The following CDH4 variants were observed in gnomAD, a reference collection of about 807,000 sequenced individuals.
CDH4 encodes the protein cadherin-4.
CDH4 carries 33 observed loss-of-function variants against 86.0 expected under a neutral mutation model. The ratio of observed to expected loss-of-function variants is 0.38; its 90% CI spans 0.29 to 0.51. CDH4 has a LOEUF of 0.51. Ranked by LOEUF, CDH4 falls within the 20% of genes least tolerant of loss-of-function variation. The pLI is 0.86. For missense variants in CDH4, 1,114 were observed against 1,307.4 expected (o/e 0.85, Z 2.28); for synonymous variants, 555 against 549.4 (o/e 1.01, Z -0.14).
intron 4 of CDH4, among the ~76,000 whole-genome samples, chr20:61,782,331 G>T (rs984462224): frequency 6.6e-6 from 1 of 151,836 alleles, no homozygotes; most frequent in African/African-American, 2.4e-5. Flanking sequence ...TAAAAATGAA[G>T]GTGAAATAAA....
intron 2 of CDH4, among the ~76,000 whole-genome samples, chr20:61,617,601 C>T (rs530315808): frequency 1.1e-4 from 17 of 152,302 alleles, no homozygotes; most frequent in Admixed American, 6.5e-4. Flanking sequence ...AATCTGGGGG[C>T]GACAGCGTGG....
intron 2 of CDH4, among the ~76,000 whole-genome samples, chr20:61,689,273 G>T (rs1600876812): frequency 9.7e-5 from 4 of 41,192 alleles, no homozygotes; most frequent in African/African-American, 2.0e-4. Context: ...TGGGACAGTG[G>T]TTGGTGAGGT....
intron 2 of CDH4, among the ~76,000 whole-genome samples, chr20:61,633,230 CATCCATCCATCT>C (rs149718590): frequency 0.018 from 2,784 of 151,292 alleles, 74 homozygotes; most frequent in African/African-American, 0.063. Context: ...TTCATTCATT[CATCCATCCATCT>C]ATCCATCTAT....
intron 2 of CDH4, among the ~76,000 whole-genome samples, chr20:61,574,576 T>A (rs1477075475): frequency 6.6e-6 from 1 of 151,578 alleles, no homozygotes; most frequent in East Asian, 1.9e-4. Flanking sequence ...AGAAAAAAAA[T>A]GGTCTCAGTG....
chr20:61,294,658 C>T (rs529501334), intron 2 of CDH4, among the ~76,000 whole-genome samples: 8 of 152,298 alleles, frequency 5.3e-5, no homozygotes, highest in East Asian at 1.9e-4. Context: ...TGTCGCTACA[C>T]GCAGGGCCCC....
At chr20:61,908,569 C>A (rs780225483) in intron 8 of CDH4, among the ~76,000 whole-genome samples, 5 of 152,232 alleles carry the variant, frequency 3.3e-5, no homozygotes, top group South Asian at 2.1e-4. Flanking sequence ...CTTGCAGGAC[C>A]TGCCTGTGGC....
intron 2 of CDH4, among the ~76,000 whole-genome samples, chr20:61,300,114 C>A (rs4812293): frequency 0.55 from 83,752 of 151,860 alleles, 24,350 homozygotes; most frequent in Admixed American, 0.65. Flanking sequence ...AGACGTCCAG[C>A]CTGCTTGGAG....
chr20:61,874,613 T>C (rs1983941798), intron 7 of CDH4, among the ~76,000 whole-genome samples: 1 of 152,124 alleles, frequency 6.6e-6, no homozygotes, highest in Admixed American at 6.5e-5. Flanking sequence ...TCTCCAGCAC[T>C]GGGCTGTGCG....
At chr20:61,570,658 G>A in intron 2 of CDH4, 1 of 702,350 alleles carries the variant, frequency 1.4e-6, no homozygotes, top group Non-Finnish European at 2.6e-6. Flanking sequence ...AATGGTATTG[G>A]GCTGTGGATC....
chr20:61,329,148 C>T (rs904628954), intron 2 of CDH4, among the ~76,000 whole-genome samples: 1 of 152,320 alleles, frequency 6.6e-6, no homozygotes, highest in African/African-American at 2.4e-5. Context: ...TTGTACTGAA[C>T]GTGTATCATT....
intron 2 of CDH4, among the ~76,000 whole-genome samples, chr20:61,626,563 G>A (rs2145781675): frequency 6.6e-6 from 1 of 152,352 alleles, no homozygotes; most frequent in East Asian, 1.9e-4. Context: ...CAGGGCAGAA[G>A]CTCCTCTGTG....
At chr20:61,742,643 T>A (rs748874703) in intron 2 of CDH4, among the ~76,000 whole-genome samples, 1 of 152,200 alleles carries the variant, frequency 6.6e-6, no homozygotes, top group Admixed American at 6.5e-5. Flanking sequence ...ATGAGCAGAA[T>A]GTGACACGGG....
intron 4 of CDH4, among the ~76,000 whole-genome samples, chr20:61,798,313 C>T (rs1458542932): frequency 6.6e-6 from 1 of 152,148 alleles, no homozygotes; most frequent in Non-Finnish European, 1.5e-5. Flanking sequence ...TGTGGGCGGC[C>T]CCTCGCTGCG....
At position 61,417,314 on chromosome 20, in the gene CDH4, CCTCT is replaced by C. The variant is rs1338859035; in HGVS notation, c.169+162378_169+162381del. ...GTCTTTCTCCATCTCCCTCTCCCTC[CCTCT>C]ACCTCTCTTCTCTCTCCCCTCACCC... On this transcript the variant is annotated intron_variant, in intron 2 of 15. Transcript: ENST00000614565. This position sits in a 1 kb window ranked among gnomAD's most constrained non-coding sequence, Gnocchi z 4.0. Among the ~76,000 whole-genome samples the C allele has an allele frequency of 6.6e-6, 1 of 151,954 alleles. No individual in the cohort carries two copies. The highest frequency in any genetic ancestry group is 1.5e-5 in the Non-Finnish European group (1 of 67,992).
At chr20:61,396,059 A>C (rs1034504941) in intron 2 of CDH4, among the ~76,000 whole-genome samples, 1 of 152,226 alleles carries the variant, frequency 6.6e-6, no homozygotes, top group Non-Finnish European at 1.5e-5. Flanking sequence ...TAAATAATAC[A>C]TAAGTTTTAT....
chr20:61,502,540 G>T (rs2085711281), intron 2 of CDH4, among the ~76,000 whole-genome samples: 1 of 152,214 alleles, frequency 6.6e-6, no homozygotes, highest in African/African-American at 2.4e-5. Context: ...ATGCAACATT[G>T]TCTGTGGTTG....
At chr20:61,515,989 G>A (rs929124188) in intron 2 of CDH4, among the ~76,000 whole-genome samples, 1 of 152,032 alleles carries the variant, frequency 6.6e-6, no homozygotes, top group Non-Finnish European at 1.5e-5. Flanking sequence ...CTGCTCCAGG[G>A]TAGAATGCAG....
At chr20:61,421,327 G>A (rs1051956391) in intron 2 of CDH4, among the ~76,000 whole-genome samples, 4 of 152,198 alleles carry the variant, frequency 2.6e-5, no homozygotes, top group Non-Finnish European at 5.9e-5. Context: ...TTCCATAACA[G>A]GAGGAGATGT....
intron 2 of CDH4, among the ~76,000 whole-genome samples, chr20:61,556,611 C>T (rs1380710886): frequency 1.3e-5 from 2 of 152,200 alleles, no homozygotes; most frequent in Non-Finnish European, 2.9e-5. Context: ...GTCCAAAATT[C>T]CCGTTTTCAT....
Sources: allele counts gnomAD v4.1 joint callset (sites outside exome capture counted in the v4.1 genomes callset), GRCh38; gene constraint gnomAD v4.1.1; non-coding constraint Gnocchi (gnomAD v3.1); transcripts MANE v1.5; gene names NCBI Gene and HGNC (gene_info 2026-07-23, HGNC 2026-07-21).